Variants in EXD2 observed in about 807,000 individuals in gnomAD.
The protein encoded by EXD2 is exonuclease 3'-5' domain containing 2.
Under a neutral mutation model 62.5 loss-of-function variants are expected in EXD2, and 40 were observed. The observed-to-expected ratio is 0.64, with a 90% CI of 0.50 to 0.83. The LOEUF (loss-of-function observed/expected upper bound fraction) is 0.83. Ranked by LOEUF, EXD2 falls within the 40% of genes least tolerant of loss-of-function variation. The probability of loss-of-function intolerance (pLI) is 0.00; values close to 1 mark genes in which losing one functional copy is unlikely to be tolerated. For missense variants in EXD2, 671 were observed against 761.8 expected, an observed-to-expected ratio of 0.88 and a Z score of 1.40; for synonymous variants, 239 against 291.9, an observed-to-expected ratio of 0.82 and a Z score of 1.85.
chr14:69,206,252 C>G (rs1189312710), intron 2 of EXD2, among the ~76,000 whole-genome samples: 2 of 151,916 alleles, frequency 1.3e-5, no homozygotes, highest in Non-Finnish European at 2.9e-5. Context: ...GGACTCTGTT[C>G]ATGCCTTTGG....
Position 69,235,041 on chromosome 14 carries a change from T to A in EXD2, c.1049+10T>A. On this transcript the variant is annotated intron_variant, in intron 6 of 9. Coordinates refer to ENST00000685843, the MANE Select transcript of EXD2 (RefSeq NM_001193360.2). The stretch of plus-strand genomic sequence containing the variant: ...TGGGCTATTCTGCCAGGTAACTGAA[T>A]CACTCCCTGTCTAGTAAAGAGTCAG... 6.4e-7 allele frequency: 1 copy of A among 1,570,702 alleles called. No individual in the cohort carries two copies. The highest frequency in any genetic ancestry group is 8.6e-7 in the Non-Finnish European group (1 of 1,162,388).
At chr14:69,225,340 G>A (rs2043321450) in intron 3 of EXD2, among the ~76,000 whole-genome samples, 1 of 152,034 alleles carries the variant, frequency 6.6e-6, no homozygotes. Flanking sequence ...CTGTTTTGTT[G>A]GTTTTTTTCT....
rs1198138030 is a variant in EXD2, at chr14:69,209,467, G to A, written c.-4G>A. The A allele has an allele frequency of 1.5e-5, 22 of 1,495,338 alleles. No individual in the cohort carries two copies. Among genetic ancestry groups the A allele is most frequent in the Admixed American group, 1.0e-4 (4 of 40,050 alleles). The allele number at this position is 1,495,338 out of a possible 1,614,324, so 92.6% of individuals were successfully genotyped here. Reference sequence around the variant, plus strand: ...TGCTTTTCTAAAGAGTAGAAAAGTCGAAGATGTCTAGACAGAACTTAGTGG... The same window carrying A: ...TGCTTTTCTAAAGAGTAGAAAAGTCAAAGATGTCTAGACAGAACTTAGTGG... On this transcript the variant is annotated 5_prime_UTR_variant, in exon 3 of 10. Transcript: ENST00000685843.
At chr14:69,240,059 T>C (rs1698439818) in intron 9 of EXD2, among the ~76,000 whole-genome samples, 1 of 152,198 alleles carries the variant, frequency 6.6e-6, no homozygotes, top group Admixed American at 6.5e-5. Flanking sequence ...ATGAGCTAAA[T>C]ATTAATAATA....
At chr14:69,207,044 G>A (rs2140225760) in intron 2 of EXD2, among the ~76,000 whole-genome samples, 1 of 152,240 alleles carries the variant, frequency 6.6e-6, no homozygotes, top group Admixed American at 6.5e-5. Flanking sequence ...GAAATTCTTA[G>A]CACAGTTTCT....
At chr14:69,235,797 A>T (rs1248247301) in intron 6 of EXD2, 3 of 493,400 alleles carry the variant, frequency 6.1e-6, no homozygotes, top group African/African-American at 5.8e-5. Context: ...CACTTGACAC[A>T]CTCCCTAATG....
chr14:69,228,113 T>G (rs937809327), intron 3 of EXD2: 1 of 151,344 alleles, frequency 6.6e-6, no homozygotes, highest in Non-Finnish European at 1.5e-5. Context: ...TGCGTGTACA[T>G]TAGAGAGGCT....
intron 2 of EXD2, among the ~76,000 whole-genome samples, chr14:69,207,356 T>C (rs1006102493): frequency 2.6e-5 from 4 of 152,088 alleles, no homozygotes; most frequent in African/African-American, 7.2e-5. Context: ...TAGCTGGGTA[T>C]GGTGGCATAC....
At chr14:69,209,951 G>A in intron 3 of EXD2, 148 bp downstream of exon 3, 2 of 627,758 alleles carry the variant, frequency 3.2e-6, no homozygotes, top group Non-Finnish European at 5.1e-6. Context: ...TTTAGCAGAA[G>A]AAGAAGCTGC....
chr14:69,241,623 G>T lies in EXD2; in HGVS notation c.*523G>T. On this transcript the variant is annotated 3_prime_UTR_variant, in exon 10 of 10. Coordinates refer to ENST00000685843, the MANE Select transcript of EXD2 (RefSeq NM_001193360.2). Reference sequence around the variant, plus strand: ...CATTTCTTTGGCTTCATGCTCTCCCGTAACTCATGTGGTTGGGATCCATCC... The same window carrying T: ...CATTTCTTTGGCTTCATGCTCTCCCTTAACTCATGTGGTTGGGATCCATCC... The T allele has an allele frequency of 5.3e-6, 2 of 378,476 alleles. No individual in the cohort carries two copies. The highest frequency in any genetic ancestry group is 9.4e-6 in the Non-Finnish European group (2 of 213,744). 23.4% of individuals were successfully genotyped at this position (378,476 alleles called of 1,614,324 possible).
chr14:69,220,270 T>TTTTTTTTTTC (rs2043134221), intron 3 of EXD2, among the ~76,000 whole-genome samples: 1 of 110,636 alleles, frequency 9.0e-6, no homozygotes, highest in African/African-American at 3.6e-5. Flanking sequence ...TTTTTTTTTT[T>TTTTTTTTTTC]TTTTTTTTTT....
At chr14:69,227,396 A>G (rs2043399505) in intron 3 of EXD2, among the ~76,000 whole-genome samples, 1 of 152,196 alleles carries the variant, frequency 6.6e-6, no homozygotes, top group South Asian at 2.1e-4. Flanking sequence ...GACAAGTGAG[A>G]AGGATTAGAA....
intron 1 of EXD2, among the ~76,000 whole-genome samples, chr14:69,199,836 A>AT (rs1185340136): frequency 2.6e-5 from 4 of 152,062 alleles, no homozygotes; most frequent in South Asian, 2.1e-4. Context: ...TTTACAGTTA[A>AT]TTTTTTTTAT....
In EXD2 at chr14:69,237,921, C is replaced by A; in HGVS notation, c.1639C>A (p.Leu547Met). ...GGAGATGCTTCAAGAGGCTGCCAGC[C>A]TGGAGACCAGGTACAAAGCACAGGA... ...TEEMLQEAAS[L>M]ETRISNENYV... The change falls in exon 9 of 10, where the codon CTG becomes ATG. Residue 547 changes from leucine to methionine, a missense_variant. Transcript: ENST00000685843. 1 of 1,558,374 alleles carries A rather than the reference C, an allele frequency of 6.4e-7. No homozygotes were observed. The highest frequency in any genetic ancestry group is 1.2e-5 in the South Asian group (1 of 80,556).
At chr14:69,191,746 G>A (rs2042029005) in intron 1 of EXD2, 155 bp downstream of exon 1, 3 of 152,534 alleles carry the variant, frequency 2.0e-5, no homozygotes, top group Admixed American at 6.5e-5. Context: ...GGAGCGAGTT[G>A]GCCCTGCCCC....
At chr14:69,196,939 G>C (rs1325623996) in intron 1 of EXD2, among the ~76,000 whole-genome samples, 1 of 152,020 alleles carries the variant, frequency 6.6e-6, no homozygotes, top group African/African-American at 2.4e-5. Context: ...TTTTTGAATA[G>C]AACCATCCTA....
At chr14:69,235,087 GT>G in intron 6 of EXD2, 56 bp downstream of exon 6, 1 of 1,460,926 alleles carries the variant, frequency 6.8e-7, no homozygotes, top group Non-Finnish European at 9.1e-7. Context: ...TTAGCAAAGG[GT>G]TTGATGCTTC....
intron 3 of EXD2, among the ~76,000 whole-genome samples, chr14:69,217,968 T>C (rs2043041384): frequency 6.6e-6 from 1 of 152,250 alleles, no homozygotes; most frequent in African/African-American, 2.4e-5. Context: ...AAGTCTTTGC[T>C]GTTGTGAATA....
chr14:69,219,369 C>G (rs2140271072), intron 3 of EXD2, among the ~76,000 whole-genome samples: 1 of 152,270 alleles, frequency 6.6e-6, no homozygotes, highest in Non-Finnish European at 1.5e-5. Context: ...TATCCTGAGT[C>G]ACATTTTCTT....
Sources: gnomAD v4.1 joint callset for allele counts (sites outside exome capture counted in the v4.1 genomes callset) on GRCh38, gnomAD v4.1.1 for gene constraint, MANE v1.5 for transcripts, NCBI Gene and HGNC (gene_info 2026-07-23, HGNC 2026-07-21) for gene names.